The following ACSL4 variants were observed in gnomAD, a reference collection of about 807,000 sequenced individuals.
The protein encoded by ACSL4 is acyl-CoA synthetase long chain family member 4.
A neutral mutation model predicts 49.1 loss-of-function variants in ACSL4; 9 were observed. The observed-to-expected ratio is 0.18, with a 90% CI of 0.11 to 0.32. The LOEUF (loss-of-function observed/expected upper bound fraction) is 0.32, where lower values mean the gene tolerates loss of function less well. Among genes scored for constraint, ACSL4 ranks in the 10% least tolerant of loss-of-function variants. ACSL4 has a pLI of 1.00. For synonymous variants in ACSL4, 191 were observed against 170.3 expected, an observed-to-expected ratio of 1.12 and a Z score of -0.95; for missense variants, 333 against 493.7, an observed-to-expected ratio of 0.67 and a Z score of 3.08.
At chrX:109,694,791 G>A (rs1434574550) in intron 2 of ACSL4, among the ~76,000 whole-genome samples, 1 of 111,194 alleles carries the variant, frequency 9.0e-6, no homozygotes, top group Non-Finnish European at 1.9e-5. Context: ...ATCAACAATC[G>A]GGGACTATAG....
chrX:109,659,736 C>A (rs1158677370), intron 14 of ACSL4, among the ~76,000 whole-genome samples: 1 of 110,858 alleles, frequency 9.0e-6, no homozygotes, highest in African/African-American at 3.3e-5. Flanking sequence ...GAGAAACGAT[C>A]TTTGACAAGG....
At chrX:109,681,554 A>G (rs1924167363) in intron 4 of ACSL4, among the ~76,000 whole-genome samples, 179 bp from the exon 5 acceptor site, 1 of 111,990 alleles carries the variant, frequency 8.9e-6, no homozygotes, top group African/African-American at 3.2e-5. Flanking sequence ...CTGGGAGCCC[A>G]AAGTTTTCCT....
chrX:109,652,750 T>C (rs758610613), intron 15 of ACSL4, among the ~76,000 whole-genome samples: 16 of 111,615 alleles, frequency 1.4e-4, no homozygotes, highest in Middle Eastern at 4.6e-3. Context: ...TTCATTAATA[T>C]AAAAGTGTGT....
intron 1 of ACSL4, among the ~76,000 whole-genome samples, chrX:109,724,077 T>C (rs768108383): frequency 6.2e-5 from 7 of 112,109 alleles, no homozygotes; most frequent in African/African-American, 2.3e-4. Context: ...TTATGGATAT[T>C]ATGCAGTAGA....
At chrX:109,671,556 C>T (rs956898007) in intron 9 of ACSL4, among the ~76,000 whole-genome samples, 3 of 112,308 alleles carry the variant, frequency 2.7e-5, no homozygotes, top group Non-Finnish European at 5.7e-5. Flanking sequence ...TCTGCCAGGT[C>T]GCCACCCCAT....
At position 109,641,526 on chromosome X, in the gene ACSL4, C is replaced by A. The variant is rs1234260120; in HGVS notation, c.*2503G>T. 3 of 112,577 alleles carry A rather than the reference C, an allele frequency of 2.7e-5. No homozygotes were observed. The highest frequency in any genetic ancestry group is 5.6e-5 in the Non-Finnish European group (3 of 53,176). 9.3% of individuals were successfully genotyped at this position (112,577 alleles called of 1,213,427 possible). On this transcript the variant is annotated 3_prime_UTR_variant, in exon 16 of 16. Transcript: ENST00000672401. Reference sequence around the variant, plus strand: ...AAAATTAAAATATTTCTCTCCAAATCCAAAACACCACACAATCTTTATCTG... The same window carrying A: ...AAAATTAAAATATTTCTCTCCAAATACAAAACACCACACAATCTTTATCTG...
chrX:109,731,635 C>T (rs1479920983), intron 1 of ACSL4, among the ~76,000 whole-genome samples: 1 of 108,757 alleles, frequency 9.2e-6, no homozygotes, highest in Non-Finnish European at 1.9e-5. Context: ...TGCTGTATTA[C>T]ACCTTCCATG....
intron 15 of ACSL4, among the ~76,000 whole-genome samples, chrX:109,648,320 T>A (rs2091022443): frequency 9.0e-6 from 1 of 111,537 alleles, no homozygotes; most frequent in Non-Finnish European, 1.9e-5. Flanking sequence ...AAAAAGCTTA[T>A]CCACCATGAT....
intron 8 of ACSL4, among the ~76,000 whole-genome samples, chrX:109,676,300 A>G (rs1280626987): frequency 1.8e-5 from 2 of 111,465 alleles, no homozygotes; most frequent in Admixed American, 9.5e-5. Context: ...TCCAAAAAAA[A>G]CTATTTAACT....
chrX:109,662,072 T>C (rs1348579068), intron 13 of ACSL4, among the ~76,000 whole-genome samples: 2 of 111,593 alleles, frequency 1.8e-5, no homozygotes, highest in African/African-American at 3.3e-5. Context: ...ATCAGGATAA[T>C]GATGCCTACC....
At chrX:109,713,186 A>G (rs1171415261) in intron 1 of ACSL4, among the ~76,000 whole-genome samples, 1 of 111,526 alleles carries the variant, frequency 9.0e-6, no homozygotes, top group African/African-American at 3.3e-5. Context: ...ACTGGGTGGC[A>G]CCACTGTCCT....
rs900429817 is a variant in ACSL4 at position 109,681,056 on chromosome X, T to C, written c.597A>G (p.Glu199=). ...NKAINKAEYP[E]GFEIHSMQSV... Reference sequence around the variant, plus strand: ...ATTGCATGCTGTGAATCTCAAATCCTTCAGGGTACTCTGCTTTATTGATAG... The same window carrying C: ...ATTGCATGCTGTGAATCTCAAATCCCTCAGGGTACTCTGCTTTATTGATAG... The change falls in exon 6 of 16, where the codon GAA becomes GAG. Residue 199 remains glutamate, a synonymous_variant. Coordinates refer to ENST00000672401, the MANE Select transcript of ACSL4 (RefSeq NM_001318510.2). The C allele has an allele frequency of 8.3e-7, 1 of 1,208,606 alleles. No individual in the cohort carries two copies. The highest frequency in any genetic ancestry group is 1.1e-6 in the Non-Finnish European group (1 of 894,141).
At chrX:109,665,115 AC>A (rs1429798444) in intron 12 of ACSL4, among the ~76,000 whole-genome samples, 1 of 111,557 alleles carries the variant, frequency 9.0e-6, no homozygotes, top group Non-Finnish European at 1.9e-5. Context: ...AAACATTCTC[AC>A]TAGTAAAGTC....
intron 1 of ACSL4, among the ~76,000 whole-genome samples, chrX:109,710,788 G>A (rs2147516215): frequency 8.9e-6 from 1 of 112,028 alleles, no homozygotes; most frequent in South Asian, 3.7e-4. Flanking sequence ...ATAGCTCACT[G>A]CTGCCTTGAA....
intron 1 of ACSL4, among the ~76,000 whole-genome samples, chrX:109,720,619 T>TA (rs779963105): frequency 1.6e-4 from 18 of 111,711 alleles, no homozygotes; most frequent in East Asian, 5.6e-4. Flanking sequence ...CTTGAAGAAA[T>TA]AAAAAAACTA....
intron 15 of ACSL4, among the ~76,000 whole-genome samples, chrX:109,649,074 C>G (rs1934885550): frequency 9.1e-6 from 1 of 109,908 alleles, no homozygotes; most frequent in Admixed American, 9.7e-5. Context: ...TAGGAAGAAT[C>G]AATATCGTGA....
At chrX:109,683,973 C>T (rs1298166063) in intron 2 of ACSL4, among the ~76,000 whole-genome samples, 1 of 111,741 alleles carries the variant, frequency 8.9e-6, no homozygotes, top group African/African-American at 3.3e-5. Flanking sequence ...AACCTTAATG[C>T]TTACACAAAT....
intron 15 of ACSL4, among the ~76,000 whole-genome samples, chrX:109,645,570 G>A (rs1030459444): frequency 8.9e-6 from 1 of 111,919 alleles, no homozygotes; most frequent in African/African-American, 3.3e-5. Flanking sequence ...CAAAGATGGG[G>A]AAAAAACAGA....
rs758147100 is a variant in ACSL4, at chrX:109,715,555, G to A, written c.-66+17584C>T. On this transcript the variant is annotated intron_variant, in intron 1 of 15. Transcript: ENST00000672401. ...CTTGGGAGGCTGAGGCAGGAGGATC[G>A]CTTGAACCCAGGAGGCAGAGGTTGC... 1.8e-4 allele frequency among the ~76,000 whole-genome samples: 20 copies of A among 110,556 alleles called. No homozygotes were observed. The Admixed American group carries it at 1.8e-3, about 10-fold the overall frequency.
Sources: gnomAD v4.1 joint callset for allele counts (sites outside exome capture counted in the v4.1 genomes callset) on GRCh38, gnomAD v4.1.1 for gene constraint, MANE v1.5 for transcripts, NCBI Gene and HGNC (gene_info 2026-07-23, HGNC 2026-07-21) for gene names.